Variants in LAT2 observed in about 807,000 individuals in gnomAD.
The protein encoded by LAT2 is linker for activation of T-cells family member 2.
A neutral mutation model predicts 43.4 loss-of-function variants in LAT2; 23 were observed. The observed-to-expected ratio is 0.53, with a 90% CI of 0.38 to 0.75. The LOEUF (loss-of-function observed/expected upper bound fraction) is 0.75. Among genes scored for constraint, LAT2 ranks in the 30% least tolerant of loss-of-function variants. The pLI is 0.00. For synonymous variants in LAT2, 128 were observed against 123.2 expected (o/e 1.04, Z -0.26); for missense variants, 284 against 310.2 (o/e 0.92, Z 0.64).
chr7:74,221,639 A>AC lies in LAT2; in HGVS notation c.339dup (p.Ile114HisfsTer18). On this transcript the variant is annotated frameshift_variant, in exon 10 of 14. Coordinates refer to ENST00000460943, the MANE Select transcript of LAT2 (RefSeq NM_032464.3). LOFTEE classifies it high-confidence loss of function. ...GTTGTATATGTTTTCTTGGCCAGAGACCCCATTGCCATGGAGTATTACAAC... is the reference window on the plus strand; with the variant it reads ...GTTGTATATGTTTTCTTGGCCAGAGACCCCCATTGCCATGGAGTATTACAAC... The AC allele has an allele frequency of 1.9e-6, 3 of 1,612,678 alleles. No homozygotes were observed. Among genetic ancestry groups the AC allele is most frequent in the Non-Finnish European group, 2.5e-6 (3 of 1,179,330 alleles).
At chr7:74,215,848 C>A in intron 2 of LAT2, 99 bp from the exon 3 acceptor site, 1 of 828,262 alleles carries the variant, frequency 1.2e-6, no homozygotes, top group Non-Finnish European at 2.1e-6. Context: ...GGTGTTTCCG[C>A]AGCCTAGGCT....
At chr7:74,225,104 C>T (rs1167227686) in intron 13 of LAT2, 1 of 188,034 alleles carries the variant, frequency 5.3e-6, no homozygotes, top group Non-Finnish European at 1.1e-5. Flanking sequence ...GAAGACATCG[C>T]ACACACGGCC....
intron 1 of LAT2, among the ~76,000 whole-genome samples, chr7:74,211,759 A>G (rs1168433012): frequency 6.6e-6 from 1 of 151,276 alleles, no homozygotes; most frequent in Non-Finnish European, 1.5e-5. Context: ...GCCTGGCCTA[A>G]TTTTTTATTT....
Position 74,220,894 on chromosome 7 carries a change from CCTT to C in LAT2, c.332+163_332+165del, listed in dbSNP as rs1554715140. On this transcript the variant is annotated intron_variant, in intron 9 of 13. Transcript: ENST00000460943. The surrounding 1 kb of genome is among the most constrained non-coding windows in gnomAD (Gnocchi z 4.5). ...TAGAACGAGGCATCCAGGTTCCCCT[CCTT>C]CTCCTGGCAGGCAGGCATTGGGCGA... 1.3e-5 allele frequency among the ~76,000 whole-genome samples: 2 copies of C among 152,128 alleles called. No individual in the cohort carries two copies.
intron 4 of LAT2, among the ~76,000 whole-genome samples, chr7:74,218,918 G>C (rs1554714605): frequency 6.9e-6 from 1 of 144,766 alleles, no homozygotes; most frequent in African/African-American, 2.5e-5. Flanking sequence ...GGCTGGTCTT[G>C]AACTCCCAAC....
intron 12 of LAT2, 84 bp downstream of exon 12, chr7:74,224,281 T>C: frequency 7.0e-7 from 1 of 1,428,430 alleles, no homozygotes; most frequent in East Asian, 2.3e-5. Flanking sequence ...GAAAGTGGGC[T>C]TCCCTCCAGC....
chr7:74,214,473 T>A (rs1278304964), intron 1 of LAT2, among the ~76,000 whole-genome samples: 1 of 45,924 alleles, frequency 2.2e-5, no homozygotes, highest in Middle Eastern at 0.023. Context: ...TATATATAAA[T>A]ATATATATAT....
chr7:74,211,078 T>C (rs1801718705), intron 1 of LAT2, among the ~76,000 whole-genome samples: 1 of 152,140 alleles, frequency 6.6e-6, no homozygotes, highest in Non-Finnish European at 1.5e-5. Context: ...CCCACTTCCC[T>C]TTAGTGCTAT....
chr7:74,211,934 G>A (rs1272052877), intron 1 of LAT2, among the ~76,000 whole-genome samples: 2 of 150,526 alleles, frequency 1.3e-5, no homozygotes, highest in Admixed American at 1.4e-4. Flanking sequence ...ACACATGACT[G>A]TTTGTTAAAT....
intron 13 of LAT2, chr7:74,225,615 C>G (rs1802456770): frequency 1.3e-5 from 2 of 152,436 alleles, no homozygotes; most frequent in Non-Finnish European, 2.9e-5. Flanking sequence ...CTGCCCAAGG[C>G]CACATCTTGA....
intron 4 of LAT2, among the ~76,000 whole-genome samples, chr7:74,218,140 G>A (rs1554714502): frequency 6.6e-6 from 1 of 152,154 alleles, no homozygotes; most frequent in African/African-American, 2.4e-5. Flanking sequence ...GTGGAGGGGA[G>A]CTGTTTGGTC....
At chr7:74,221,190 C>T (rs1802260485) in intron 9 of LAT2, among the ~76,000 whole-genome samples, 1 of 151,980 alleles carries the variant, frequency 6.6e-6, no homozygotes, top group African/African-American at 2.4e-5. Context: ...CCAAGGCAGG[C>T]AGATCACCTG....
At chr7:74,225,219 T>G (rs145429508) in intron 13 of LAT2, 1 of 156,170 alleles carries the variant, frequency 6.4e-6, no homozygotes, top group African/African-American at 2.4e-5. Flanking sequence ...ATGGTGAAAC[T>G]TCATCTCTAC....
At position 74,216,005 on chromosome 7, in the gene LAT2, C is replaced by A; in HGVS notation, c.30C>A (p.Pro10=). The change falls in exon 3 of 14, where the codon CCC becomes CCA. Residue 10 remains proline, a synonymous_variant. Transcript: ENST00000460943. ...GCTCGGGGACTGAACTGCTGTGGCC[C>A]GGAGCAGCGCTGCTGGTGCTGTTGG... MSSGTELLW[P]GAALLVLLGV... The A allele has an allele frequency of 6.2e-7, 1 of 1,613,910 alleles. No individual in the cohort carries two copies. Among genetic ancestry groups the A allele is most frequent in the Non-Finnish European group, 8.5e-7 (1 of 1,179,978 alleles).
At chr7:74,216,128 C>A in intron 3 of LAT2, 59 bp downstream of exon 3, 2 of 1,380,872 alleles carry the variant, frequency 1.4e-6, no homozygotes, top group Admixed American at 2.0e-5. Flanking sequence ...ATCTCAGAGG[C>A]CCTCTCAGGC....
chr7:74,220,581 C>G lies in LAT2; in HGVS notation c.266-3C>G. ...AAAGCAATTAGCTGGGTCTTTCTTCCAGATCCAGCATCTTCCAGGTACCAG... is the reference window on the plus strand; with the variant it reads ...AAAGCAATTAGCTGGGTCTTTCTTCGAGATCCAGCATCTTCCAGGTACCAG... On this transcript the variant is annotated splice_region_variant and splice_polypyrimidine_tract_variant and intron_variant, in intron 7 of 13. Coordinates refer to ENST00000460943, the MANE Select transcript of LAT2 (RefSeq NM_032464.3). The surrounding 1 kb of genome is among the most constrained non-coding windows in gnomAD (Gnocchi z 4.5). The G allele has an allele frequency of 6.2e-7, 1 of 1,614,010 alleles. No individual in the cohort carries two copies. Among genetic ancestry groups the G allele is most frequent in the Non-Finnish European group, 8.5e-7 (1 of 1,179,948 alleles).
chr7:74,220,268 G>A lies in LAT2; in HGVS notation c.265+14G>A, dbSNP rs201853833. ...CCAGCCTGGAGGGTGAGTGGCACAG[G>A]GCAGGGACAGGGACAGGCCTAGCCA... On this transcript the variant is annotated intron_variant, in intron 7 of 13. Coordinates refer to ENST00000460943, the MANE Select transcript of LAT2 (RefSeq NM_032464.3). The surrounding 1 kb of genome is among the most constrained non-coding windows in gnomAD (Gnocchi z 4.5). 1.9e-6 allele frequency: 3 copies of A among 1,610,256 alleles called. No individual in the cohort carries two copies. Among genetic ancestry groups the A allele is most frequent in the Non-Finnish European group, 2.5e-6 (3 of 1,177,588 alleles).
intron 1 of LAT2, among the ~76,000 whole-genome samples, chr7:74,214,264 A>G (rs546073358): frequency 1.2e-5 from 1 of 80,434 alleles, no homozygotes; most frequent in African/African-American, 5.5e-5. Context: ...ATATATATAT[A>G]TGAAAATATA....
At position 74,219,053 on chromosome 7, in the gene LAT2, G is replaced by A. The variant is rs1317315559; in HGVS notation, c.135-691G>A. The stretch of plus-strand genomic sequence containing the variant: ...TTTTTTTTTTTTTTTTTTTTGAGAC[G>A]GAGTCTCGCTCTGTCGCCCAGGCCA... On this transcript the variant is annotated intron_variant, in intron 4 of 13. Coordinates refer to ENST00000460943, the MANE Select transcript of LAT2 (RefSeq NM_032464.3). 1.0e-3 allele frequency among the ~76,000 whole-genome samples: 103 copies of A among 102,290 alleles called. 3 individuals are homozygous for A. The highest frequency in any genetic ancestry group is 5.9e-3 in the Admixed American group (43 of 7,254). 67.1% of individuals were successfully genotyped at this position (102,290 alleles called of 152,430 possible).
Sources: gnomAD v4.1 joint callset for allele counts (sites outside exome capture counted in the v4.1 genomes callset) on GRCh38, gnomAD v4.1.1 for gene constraint, Gnocchi (gnomAD v3.1) non-coding constraint, MANE v1.5 for transcripts, NCBI Gene and HGNC (gene_info 2026-07-23, HGNC 2026-07-21) for gene names.